Variants in PPP2R2B observed in about 807,000 individuals in gnomAD.
PPP2R2B encodes the protein protein phosphatase 2 regulatory subunit Bbeta.
PPP2R2B carries 5 observed loss-of-function variants against 46.0 expected under a neutral mutation model. That is an observed-to-expected ratio of 0.11 (90% CI 0.06 to 0.23). PPP2R2B has a LOEUF of 0.23. Ranked by LOEUF, PPP2R2B falls within the 10% of genes least tolerant of loss-of-function variation. The pLI, the probability that PPP2R2B is intolerant of heterozygous loss-of-function variation, is 1.00. For missense variants in PPP2R2B, 367 were observed against 575.0 expected (o/e 0.64, Z 3.70); for synonymous variants, 215 against 206.7 (o/e 1.04, Z -0.34).
intron 2 of PPP2R2B, among the ~76,000 whole-genome samples, chr5:146,738,656 C>T (rs1279395483): frequency 6.6e-6 from 1 of 152,090 alleles, no homozygotes; most frequent in Non-Finnish European, 1.5e-5. Flanking sequence ...CTGTCTCCTT[C>T]TGTGTGTACC....
At chr5:146,814,602 C>T (rs369171641) in intron 2 of PPP2R2B, among the ~76,000 whole-genome samples, 49 of 152,306 alleles carry the variant, frequency 3.2e-4, no homozygotes, top group African/African-American at 8.9e-4. Flanking sequence ...CTCAAGCATG[C>T]GCACTAAGGC....
intron 8 of PPP2R2B, among the ~76,000 whole-genome samples, chr5:146,596,915 A>G (rs1411930183): frequency 1.3e-5 from 2 of 152,056 alleles, no homozygotes; most frequent in South Asian, 2.1e-4. Flanking sequence ...AAAGTCTTCA[A>G]CCTCCTCTCT....
At chr5:146,856,992 A>G (rs932821751) in intron 2 of PPP2R2B, among the ~76,000 whole-genome samples, 5 of 152,168 alleles carry the variant, frequency 3.3e-5, no homozygotes, top group African/African-American at 1.2e-4. Flanking sequence ...ATGCACGTTA[A>G]AGTTTGAAAA....
rs991016489 is a variant in PPP2R2B, at chr5:146,584,364, T to C, written c.*5583A>G. 1 of 152,240 alleles carries C rather than the reference T, an allele frequency of 6.6e-6. No homozygotes were observed. Among genetic ancestry groups the C allele is most frequent in the African/African-American group, 2.4e-5 (1 of 41,460 alleles). The allele number at this position is 152,240 out of a possible 1,614,324, so 9.4% of individuals were successfully genotyped here. The stretch of plus-strand genomic sequence containing the variant: ...CACTTGACTTCACTCTCTGCTTTGA[T>C]GACAGACCAAATTTGTATTCTTGGT... On this transcript the variant is annotated 3_prime_UTR_variant, in exon 10 of 10. Transcript: ENST00000394411.
rs531526428 is a variant in PPP2R2B, at chr5:146,765,527, A to C, written c.71-64385T>G. Among the ~76,000 whole-genome samples, 95 of 152,354 alleles carry C rather than the reference A, an allele frequency of 6.2e-4. 1 individual carries two copies. Among genetic ancestry groups the C allele is most frequent in the South Asian group, 2.7e-3 (13 of 4,828 alleles). ...AGTGGCCAAAACCCTTTGTGTTAGCATCTGACTTATTATTGGTAACATCTA... is the reference window on the plus strand; with the variant it reads ...AGTGGCCAAAACCCTTTGTGTTAGCCTCTGACTTATTATTGGTAACATCTA... On this transcript the variant is annotated intron_variant, in intron 2 of 9. Transcript: ENST00000394411.
intron 7 of PPP2R2B, among the ~76,000 whole-genome samples, chr5:146,606,620 C>A (rs1180829420): frequency 6.6e-6 from 1 of 152,190 alleles, no homozygotes; most frequent in Non-Finnish European, 1.5e-5. Context: ...GTAGGCATTG[C>A]TTAAGGCAAG....
chr5:146,730,623 A>G lies in PPP2R2B; in HGVS notation c.71-29481T>C, dbSNP rs547294108. 1.2e-4 allele frequency among the ~76,000 whole-genome samples: 18 copies of G among 152,270 alleles called. No homozygotes were observed. The South Asian group carries it at 3.5e-3, about 30-fold the overall frequency. On this transcript the variant is annotated intron_variant, in intron 2 of 9. Coordinates refer to ENST00000394411, the MANE Select transcript of PPP2R2B (RefSeq NM_181675.4). ...TTCCCGTGCTAGTCTCATAATAGTG[A>G]ATAAGTCTCATGAGAGCTAATGGGT... is the stretch of plus-strand genomic sequence containing the variant.
At chr5:146,634,412 G>A (rs1774657271) in intron 7 of PPP2R2B, among the ~76,000 whole-genome samples, 2 of 152,112 alleles carry the variant, frequency 1.3e-5, no homozygotes, top group Admixed American at 1.3e-4. Context: ...TCAGCTCACT[G>A]CAACCTCTGT....
At chr5:146,987,137 A>G (rs1490959715) in intron 1 of PPP2R2B, among the ~76,000 whole-genome samples, 1 of 152,160 alleles carries the variant, frequency 6.6e-6, no homozygotes, top group African/African-American at 2.4e-5. Flanking sequence ...CCAACAACTG[A>G]GAATACTATA....
At chr5:147,048,426 T>G (rs375409964) in intron 1 of PPP2R2B, among the ~76,000 whole-genome samples, 13 of 152,156 alleles carry the variant, frequency 8.5e-5, no homozygotes, top group Admixed American at 3.9e-4. Context: ...TCATAATATT[T>G]TTGAGAGATA....
chr5:147,010,245 C>T (rs563122623), intron 1 of PPP2R2B, among the ~76,000 whole-genome samples: 2 of 152,268 alleles, frequency 1.3e-5, no homozygotes, highest in African/African-American at 4.8e-5. Context: ...TAGTGATCCC[C>T]AACGTTTTTG....
chr5:146,598,019 C>A (rs1481852894), intron 8 of PPP2R2B, among the ~76,000 whole-genome samples: 1 of 152,214 alleles, frequency 6.6e-6, no homozygotes, highest in Non-Finnish European at 1.5e-5. Context: ...GCTGTAATAA[C>A]TTCCTTCAGC....
intron 1 of PPP2R2B, among the ~76,000 whole-genome samples, chr5:146,999,013 CAA>C (rs60753702): frequency 4.4e-3 from 285 of 65,310 alleles, no homozygotes; most frequent in Middle Eastern, 0.034. Context: ...GACTCCATAT[CAA>C]AAAAAAAAAA....
At chr5:146,925,960 A>G (rs548658852) in intron 1 of PPP2R2B, among the ~76,000 whole-genome samples, 159 of 152,156 alleles carry the variant, frequency 1.0e-3, no homozygotes, top group Non-Finnish European at 1.8e-3. Flanking sequence ...TGTACCCTTC[A>G]GCTACAGAAT....
intron 2 of PPP2R2B, among the ~76,000 whole-genome samples, chr5:146,705,403 C>G (rs754779320): frequency 1.5e-4 from 23 of 152,016 alleles, no homozygotes; most frequent in Non-Finnish European, 1.2e-4. Context: ...TTTGCGGGGT[C>G]ACTTCTAGGC....
chr5:146,598,082 C>T (rs900209967), intron 8 of PPP2R2B, among the ~76,000 whole-genome samples: 4 of 152,194 alleles, frequency 2.6e-5, no homozygotes, highest in South Asian at 2.1e-4. Context: ...TCAGAGCAAA[C>T]TTGTTGAAAC....
chr5:146,814,023 G>A (rs1757784086), intron 2 of PPP2R2B, among the ~76,000 whole-genome samples: 1 of 152,128 alleles, frequency 6.6e-6, no homozygotes, highest in East Asian at 1.9e-4. Flanking sequence ...TATCAGTAAG[G>A]CAGTGGATTG....
At chr5:146,930,152 G>T (rs1763920441) in intron 1 of PPP2R2B, among the ~76,000 whole-genome samples, 1 of 152,174 alleles carries the variant, frequency 6.6e-6, no homozygotes. Flanking sequence ...GGAATGGAGG[G>T]CCGCTTTAGA....
At chr5:146,815,540 C>T (rs924486458) in intron 2 of PPP2R2B, among the ~76,000 whole-genome samples, 4 of 152,214 alleles carry the variant, frequency 2.6e-5, no homozygotes, top group Non-Finnish European at 2.9e-5. Flanking sequence ...CAGGAGTGCA[C>T]GCAAGTGAAA....
Sources: allele counts gnomAD v4.1 joint callset (sites outside exome capture counted in the v4.1 genomes callset), GRCh38; gene constraint gnomAD v4.1.1; transcripts MANE v1.5; gene names NCBI Gene and HGNC (gene_info 2026-07-23, HGNC 2026-07-21).